Variants in TENM1 observed in about 807,000 individuals in gnomAD.
TENM1 encodes teneurin-1.
Under a neutral mutation model 174.8 loss-of-function variants are expected in TENM1, and 35 were observed. The observed-to-expected ratio is 0.20, with a 90% CI of 0.15 to 0.27. The LOEUF (loss-of-function observed/expected upper bound fraction) is 0.27. TENM1 is among the 10% of genes least tolerant of loss of function. The pLI is 1.00. For missense variants in TENM1, 1,633 were observed against 2,130.1 expected (o/e 0.77, Z 4.59); for synonymous variants, 781 against 798.7 (o/e 0.98, Z 0.37).
At chrX:124,699,803 A>G (rs1478017508) in intron 5 of TENM1, among the ~76,000 whole-genome samples, 1 of 111,785 alleles carries the variant, frequency 8.9e-6, no homozygotes, top group Non-Finnish European at 1.9e-5. Flanking sequence ...TTTTTAAAGA[A>G]AGGTTCTGGT....
chrX:124,890,424 T>G (rs754239497), intron 3 of TENM1, among the ~76,000 whole-genome samples: 1 of 112,067 alleles, frequency 8.9e-6, no homozygotes, highest in African/African-American at 3.2e-5. Context: ...ATTTGCAAAC[T>G]ACCCATCTGA....
rs2049320006 is a variant in TENM1, at chrX:124,581,804, AT to A, written c.2078-16245del. Among the ~76,000 whole-genome samples, 3 of 111,365 alleles carry A rather than the reference AT, an allele frequency of 2.7e-5. No homozygotes were observed. In the South Asian group the frequency reaches 1.1e-3, roughly 42 times the overall value. ...TCGCTGATGATTAATGATGTGGAGC[AT>A]TTTTTCATATGTTTGTTGGCTACTT... On this transcript the variant is annotated intron_variant, in intron 11 of 31. Coordinates refer to ENST00000422452, the Ensembl canonical transcript of TENM1.
At chrX:124,628,211 A>G (rs1002796844) in intron 11 of TENM1, among the ~76,000 whole-genome samples, 3 of 111,221 alleles carry the variant, frequency 2.7e-5, no homozygotes, top group East Asian at 5.6e-4. Context: ...CACTTTGTCA[A>G]TAATTTCATA....
intron 5 of TENM1, among the ~76,000 whole-genome samples, chrX:124,682,774 TA>T (rs2052266921): frequency 1.8e-5 from 2 of 110,488 alleles, no homozygotes; most frequent in Non-Finnish European, 3.8e-5. Context: ...TGAAGGACAT[TA>T]AAAAAACAAC....
the TENM1 span, among the ~76,000 whole-genome samples, chrX:125,001,101 C>A: frequency 9.1e-6 from 1 of 109,671 alleles, no homozygotes; most frequent in Non-Finnish European, 1.9e-5. Flanking sequence ...AACTTTGATT[C>A]TTTTCAAATT....
chrX:124,630,575 A>G, intron 11 of TENM1, among the ~76,000 whole-genome samples: 1 of 111,970 alleles, frequency 8.9e-6, no homozygotes, highest in Middle Eastern at 4.6e-3. Flanking sequence ...AGATGTGTAA[A>G]TTGAGACCCA....
the TENM1 span, among the ~76,000 whole-genome samples, chrX:125,117,754 G>A: frequency 1.8e-5 from 2 of 111,337 alleles, no homozygotes; most frequent in Non-Finnish European, 3.8e-5. Flanking sequence ...AGAGAAAAGG[G>A]AATGCTTATA....
intron 19 of TENM1, among the ~76,000 whole-genome samples, chrX:124,498,663 T>C (rs1335420278): frequency 1.8e-5 from 2 of 109,139 alleles, no homozygotes; most frequent in Admixed American, 2.0e-4. Context: ...CCTTTAAAGC[T>C]CAGCTCCAGT....
chrX:125,159,862 C>G, the TENM1 span, among the ~76,000 whole-genome samples: 1 of 111,202 alleles, frequency 9.0e-6, no homozygotes, highest in Non-Finnish European at 1.9e-5. Flanking sequence ...GATTTTGAGA[C>G]CCAAAGGAGG....
chrX:124,467,155 T>C (rs2061250088), intron 22 of TENM1, among the ~76,000 whole-genome samples: 1 of 111,811 alleles, frequency 8.9e-6, no homozygotes, highest in Admixed American at 9.5e-5. Context: ...GAAAATTGTG[T>C]TGCCCCTAAA....
chrX:124,420,264 T>A (rs781050923), intron 25 of TENM1, 47 bp downstream of exon 28: 35 of 1,144,359 alleles, frequency 3.1e-5, no homozygotes, highest in Non-Finnish European at 4.0e-5. Context: ...ATAATACAAT[T>A]TCAAATAAAA....
At chrX:124,945,977 C>T (rs2058396274) in intron 1 of TENM1, among the ~76,000 whole-genome samples, 1 of 111,703 alleles carries the variant, frequency 9.0e-6, no homozygotes, top group South Asian at 3.7e-4. Flanking sequence ...TGCTCAAATA[C>T]AAAAGAGGGA....
the TENM1 span, among the ~76,000 whole-genome samples, chrX:125,090,211 T>C: frequency 1.8e-5 from 2 of 111,969 alleles, no homozygotes; most frequent in South Asian, 3.7e-4. Context: ...CAATAATATG[T>C]AGGGACTTTC....
intron 1 of TENM1, among the ~76,000 whole-genome samples, chrX:124,937,942 C>T (rs184527630): frequency 1.2e-3 from 132 of 111,434 alleles, no homozygotes; most frequent in African/African-American, 4.2e-3. Flanking sequence ...CATCATATTG[C>T]TTGCGTTGAA....
At chrX:124,437,966 T>A (rs1433053664) in intron 23 of TENM1, among the ~76,000 whole-genome samples, 1 of 112,269 alleles carries the variant, frequency 8.9e-6, no homozygotes, top group Non-Finnish European at 1.9e-5. Flanking sequence ...GTATTTCCAT[T>A]TGATAAAGAG....
intron 11 of TENM1, among the ~76,000 whole-genome samples, chrX:124,616,420 T>C (rs534637043): frequency 2.7e-5 from 3 of 112,621 alleles, no homozygotes; most frequent in African/African-American, 9.7e-5. Context: ...ATCACCTGGG[T>C]AGCTTGTTAA....
chrX:125,080,969 C>A, the TENM1 span, among the ~76,000 whole-genome samples: 5 of 111,093 alleles, frequency 4.5e-5, no homozygotes, highest in African/African-American at 9.8e-5. Context: ...ACTGGCTTAG[C>A]AAATGTCAGG....
intron 1 of TENM1, among the ~76,000 whole-genome samples, chrX:124,897,207 A>G (rs1370236258): frequency 2.7e-5 from 3 of 111,668 alleles, no homozygotes; most frequent in African/African-American, 9.7e-5. Context: ...CAAGGTGTCA[A>G]AAAGGGGAAA....
At chrX:124,814,148 A>G (rs1024462664) in intron 3 of TENM1, among the ~76,000 whole-genome samples, 10 of 111,170 alleles carry the variant, frequency 9.0e-5, no homozygotes, top group African/African-American at 3.3e-4. Flanking sequence ...CAGGCTGCCT[A>G]GGTCTGAATC....
Sources: allele counts gnomAD v4.1 joint callset (sites outside exome capture counted in the v4.1 genomes callset), GRCh38; gene constraint gnomAD v4.1.1; transcripts MANE v1.5; gene names NCBI Gene and HGNC (gene_info 2026-07-23, HGNC 2026-07-21).